Variants in FMO5 observed in about 807,000 individuals in gnomAD.
FMO5 encodes the protein flavin-containing monooxygenase 5.
Under a neutral mutation model 43.6 loss-of-function variants are expected in FMO5, and 51 were observed. That is an observed-to-expected ratio of 1.17 (90% confidence interval 0.93 to 1.48). The LOEUF (loss-of-function observed/expected upper bound fraction) is 1.48, where lower values mean the gene tolerates loss of function less well. FMO5 is among the 40% of genes most tolerant of loss of function. FMO5 has a pLI of 0.00. For missense variants in FMO5, 644 were observed against 643.0 expected, an observed-to-expected ratio of 1.00 and a Z score of -0.02; for synonymous variants, 187 against 216.5, an observed-to-expected ratio of 0.86 and a Z score of 1.20.
chr1:147,214,283 C>G (rs587699699), intron 3 of FMO5, among the ~76,000 whole-genome samples: 1 of 152,112 alleles, frequency 6.6e-6, no homozygotes, highest in African/African-American at 2.4e-5. Context: ...GAAACCCCGT[C>G]TCTACTACAA....
chr1:147,190,915 T>C (rs1297386816), intron 7 of FMO5, among the ~76,000 whole-genome samples: 1 of 152,014 alleles, frequency 6.6e-6, no homozygotes, highest in Non-Finnish European at 1.5e-5. Context: ...TTCCCACCTA[T>C]GAGTGAGAAC....
chr1:147,204,376 G>A, intron 6 of FMO5: 1 of 1,039,382 alleles, frequency 9.6e-7, no homozygotes, highest in Admixed American at 1.7e-5. Context: ...AGATACGCAT[G>A]CCTGAACAAT....
At chr1:147,197,174 T>C (rs1658155517) in intron 7 of FMO5, among the ~76,000 whole-genome samples, 1 of 152,174 alleles carries the variant, frequency 6.6e-6, no homozygotes, top group Non-Finnish European at 1.5e-5. Context: ...TTCCCAGAAC[T>C]CTATTTGTTC....
chr1:147,225,281 T>A lies in FMO5; in HGVS notation c.-38+6A>T. The stretch of plus-strand genomic sequence containing the variant: ...GAGAGTGCTCTGCTGCGGTACCGGA[T>A]CTCACCGCCTTTCCTGAAGCGCTCA... On this transcript the variant is annotated splice_donor_region_variant and intron_variant, in intron 1 of 8. Coordinates refer to ENST00000254090, the MANE Select transcript of FMO5 (RefSeq NM_001461.4). 1 of 901,216 alleles carries A rather than the reference T, an allele frequency of 1.1e-6. No homozygotes were observed. Among genetic ancestry groups the A allele is most frequent in the South Asian group, 1.9e-5 (1 of 51,560 alleles). 55.8% of individuals were successfully genotyped at this position (901,216 alleles called of 1,614,324 possible).
intron 7 of FMO5, among the ~76,000 whole-genome samples, chr1:147,198,463 C>T (rs587764821): frequency 4.6e-4 from 70 of 152,256 alleles, no homozygotes; most frequent in African/African-American, 1.6e-3. Flanking sequence ...AGCAAAAGCA[C>T]AGGGTACAAG....
chr1:147,214,873 A>G (rs1305137599), intron 3 of FMO5: 1 of 152,058 alleles, frequency 6.6e-6, no homozygotes, highest in Non-Finnish European at 1.5e-5. Context: ...ATGGTAGCAA[A>G]CTTGTTCAAT....
intron 2 of FMO5, chr1:147,223,874 C>A: frequency 2.9e-6 from 1 of 343,610 alleles, no homozygotes; most frequent in South Asian, 2.4e-5. Flanking sequence ...AGAGACAAAA[C>A]AAGAGAAGAA....
chr1:147,204,443 G>T, intron 6 of FMO5: 1 of 1,266,232 alleles, frequency 7.9e-7, no homozygotes, highest in Non-Finnish European at 1.2e-6. Flanking sequence ...GAGGTACGAA[G>T]TAGAGATGAG....
chr1:147,195,049 T>C (rs1657707388), intron 7 of FMO5, among the ~76,000 whole-genome samples: 2 of 151,986 alleles, frequency 1.3e-5, no homozygotes, highest in Non-Finnish European at 2.9e-5. Context: ...ATCTGAATGT[T>C]GGCCTGCCTT....
chr1:147,222,841 G>T (rs587716921), intron 2 of FMO5, among the ~76,000 whole-genome samples: 1 of 152,292 alleles, frequency 6.6e-6, no homozygotes, highest in African/African-American at 2.4e-5. Flanking sequence ...ACAAGATGAT[G>T]GATGCCCTCC....
chr1:147,214,882 A>G (rs1661718663), intron 3 of FMO5: 1 of 151,988 alleles, frequency 6.6e-6, no homozygotes, highest in South Asian at 2.1e-4. Context: ...AACTTGTTCA[A>G]TAAGTATTGT....
chr1:147,201,235 G>C lies in FMO5; in HGVS notation c.1100C>G (p.Ala367Gly), dbSNP rs151065604. The change falls in exon 7 of 9, where the codon GCA (alanine) becomes GGA (glycine). Residue 367 changes from alanine to glycine, a missense_variant. Coordinates refer to ENST00000254090, the MANE Select transcript of FMO5 (RefSeq NM_001461.4). Reference protein sequence around the residue: ...FPPNLERPTLAIIGLIQPLGA... With the variant: ...FPPNLERPTLGIIGLIQPLGA... ...TAAGGGCTGAATCAAGCCTATGATT[G>C]CAAGAGTTGGCCTTTCCAGGTTAGG... is the stretch of plus-strand genomic sequence containing the variant. The C allele has an allele frequency of 2.0e-5, 32 of 1,614,046 alleles. No homozygotes were observed. The Admixed American group carries it at 4.0e-4, about 20-fold the overall frequency.
chr1:147,187,275 T>A (rs782194044), intron 8 of FMO5, 30 bp from the exon 9 acceptor site: 2 of 1,502,858 alleles, frequency 1.3e-6, no homozygotes, highest in South Asian at 2.6e-5. Flanking sequence ...AACCATGGCC[T>A]GTCAATAATT....
At chr1:147,202,309 G>GTCTTTT (rs1659115947) in intron 6 of FMO5, among the ~76,000 whole-genome samples, 3 of 118,434 alleles carry the variant, frequency 2.5e-5, no homozygotes, top group Non-Finnish European at 5.1e-5. Flanking sequence ...CTAAAAAGCA[G>GTCTTTT]TTCTTTTTTT....
At chr1:147,206,157 CAT>C (rs1660004588) in intron 6 of FMO5, among the ~76,000 whole-genome samples, 1 of 150,510 alleles carries the variant, frequency 6.6e-6, no homozygotes, top group Non-Finnish European at 1.5e-5. Context: ...CCAACAGACA[CAT>C]GAAAAAATGC....
Position 147,190,221 on chromosome 1 carries a change from T to A in FMO5, c.1212A>T (p.Glu404Asp), listed in dbSNP as rs1553918160. The change falls in exon 8 of 9, where the codon GAA (glutamate) becomes GAT (aspartate). Residue 404 changes from glutamate (E) to aspartate (D), a missense_variant. Transcript: ENST00000254090. The stretch of plus-strand genomic sequence containing the variant: ...GAGCTTTAGATATTTCTGCCATCAT[T>A]TCACTCTGTGAGGGCAATGTCTTTA... ...KGLKTLPSQSEMMAEISKAQE... is the reference protein window; with the variant it reads ...KGLKTLPSQSDMMAEISKAQE... 1.2e-6 allele frequency: 2 copies of A among 1,611,820 alleles called. No homozygotes were observed. The highest frequency in any genetic ancestry group is 1.7e-6 in the Non-Finnish European group (2 of 1,178,526).
At chr1:147,211,598 T>C (rs939302016) in intron 5 of FMO5, 3 of 152,184 alleles carry the variant, frequency 2.0e-5, no homozygotes, top group Admixed American at 2.0e-4. Context: ...TTAATTAAAG[T>C]TACTAAAGAA....
At chr1:147,186,060 A>G (rs587625838), downstream of FMO5, among the ~76,000 whole-genome samples, 4 of 152,312 alleles carry the variant, frequency 2.6e-5, no homozygotes, top group Non-Finnish European at 5.9e-5. Flanking sequence ...GATGAATCAA[A>G]TCACATTTGT....
At chr1:147,221,615 A>C (rs1663028783) in intron 2 of FMO5, among the ~76,000 whole-genome samples, 1 of 152,234 alleles carries the variant, frequency 6.6e-6, no homozygotes, top group Admixed American at 6.5e-5. Flanking sequence ...GTCCCTCTGT[A>C]ATAAAATACT....
Sources: allele counts gnomAD v4.1 joint callset (sites outside exome capture counted in the v4.1 genomes callset), GRCh38; gene constraint gnomAD v4.1.1; transcripts MANE v1.5; gene names NCBI Gene and HGNC (gene_info 2026-07-23, HGNC 2026-07-21).